KCNN2: variants seen among roughly 807,000 people sequenced by gnomAD.
KCNN2 encodes potassium calcium-activated channel subfamily N member 2, also known as small conductance calcium-activated potassium channel protein 2.
A neutral mutation model predicts 55.5 loss-of-function variants in KCNN2; 24 were observed. The ratio of observed to expected loss-of-function variants is 0.43; its 90% CI spans 0.31 to 0.61. The LOEUF is 0.61. Among genes scored for constraint, KCNN2 ranks in the 20% least tolerant of loss-of-function variants. The probability of loss-of-function intolerance (pLI) is 0.08; values close to 1 mark genes in which losing one functional copy is unlikely to be tolerated. For missense variants in KCNN2, 754 were observed against 853.6 expected (o/e 0.88, Z 1.45); for synonymous variants, 431 against 336.1 (o/e 1.28, Z -3.09).
At chr5:114,200,214 T>G (rs1753645820) in intron 1 of KCNN2, among the ~76,000 whole-genome samples, 1 of 152,164 alleles carries the variant, frequency 6.6e-6, no homozygotes, top group South Asian at 2.1e-4. Context: ...TTTTTTTATT[T>G]TTGTCTTGCT....
intron 1 of KCNN2, among the ~76,000 whole-genome samples, chr5:114,156,028 T>C (rs1752626159): frequency 6.6e-6 from 1 of 152,218 alleles, no homozygotes; most frequent in Admixed American, 6.5e-5. Flanking sequence ...TACATTTAAG[T>C]CTTTAATCTA....
chr5:114,422,236 G>C (rs1759491925), intron 3 of KCNN2, among the ~76,000 whole-genome samples: 1 of 152,180 alleles, frequency 6.6e-6, no homozygotes, highest in Non-Finnish European at 1.5e-5. Context: ...CAAAATTCAT[G>C]TTGAAACCTA....
intron 1 of KCNN2, among the ~76,000 whole-genome samples, chr5:114,211,260 A>G (rs1258114846): frequency 6.6e-6 from 1 of 152,090 alleles, no homozygotes; most frequent in Non-Finnish European, 1.5e-5. Flanking sequence ...CACATGCACA[A>G]GTATGTTCAC....
chr5:114,392,924 C>T (rs926618051), intron 2 of KCNN2, among the ~76,000 whole-genome samples: 2 of 150,548 alleles, frequency 1.3e-5, no homozygotes, highest in African/African-American at 4.9e-5. Flanking sequence ...TGTTTGGGGC[C>T]ATGATCCCAA....
At chr5:114,288,390 T>C (rs188949492) in intron 2 of KCNN2, among the ~76,000 whole-genome samples, 1 of 152,214 alleles carries the variant, frequency 6.6e-6, no homozygotes, top group Non-Finnish European at 1.5e-5. Context: ...TGTGTTAAAC[T>C]TTTTGGGATT....
chr5:114,308,973 C>T (rs1384648519), intron 2 of KCNN2, among the ~76,000 whole-genome samples: 2 of 152,130 alleles, frequency 1.3e-5, no homozygotes, highest in African/African-American at 2.4e-5. Flanking sequence ...GGTTATTGTA[C>T]AGCTTTATTT....
intron 1 of KCNN2, among the ~76,000 whole-genome samples, chr5:114,095,477 T>C (rs147260177): frequency 6.6e-6 from 1 of 152,280 alleles, no homozygotes; most frequent in Non-Finnish European, 1.5e-5. Context: ...TATAACCTCA[T>C]CTCACTGGAT....
intron 1 of KCNN2, among the ~76,000 whole-genome samples, chr5:114,202,049 C>T (rs747182051): frequency 3.9e-5 from 6 of 152,100 alleles, no homozygotes; most frequent in Admixed American, 1.3e-4. Context: ...GTGGCAGGGA[C>T]CATCCGAGGG....
At chr5:114,384,932 G>C (rs1561599485) in intron 2 of KCNN2, among the ~76,000 whole-genome samples, 1 of 152,022 alleles carries the variant, frequency 6.6e-6, no homozygotes, top group Non-Finnish European at 1.5e-5. Context: ...AAGTTATTCA[G>C]TTTCAAAAAT....
chr5:114,225,476 C>T (rs545788855), intron 2 of KCNN2, among the ~76,000 whole-genome samples: 1 of 152,198 alleles, frequency 6.6e-6, no homozygotes, highest in African/African-American at 2.4e-5. Context: ...CAGAGTGAAA[C>T]ACCAATTACA....
chr5:114,272,904 T>C (rs1427340941), intron 2 of KCNN2, among the ~76,000 whole-genome samples: 1 of 152,152 alleles, frequency 6.6e-6, no homozygotes, highest in Non-Finnish European at 1.5e-5. Context: ...ATACTTTAAG[T>C]TCTGTGTTAC....
chr5:114,099,739 A>G (rs923320209), intron 1 of KCNN2, among the ~76,000 whole-genome samples: 9 of 152,138 alleles, frequency 5.9e-5, no homozygotes, highest in Admixed American at 5.2e-4. Flanking sequence ...TTTTCTTCAG[A>G]TATAGTAGCC....
intron 1 of KCNN2, among the ~76,000 whole-genome samples, chr5:114,176,204 C>G (rs1029293821): frequency 1.3e-5 from 2 of 152,144 alleles, no homozygotes; most frequent in Admixed American, 6.5e-5. Context: ...GCCAGTGCAC[C>G]CTTTCCCAAG....
At chr5:114,255,309 T>TA (rs1754961073) in intron 2 of KCNN2, among the ~76,000 whole-genome samples, 1 of 152,170 alleles carries the variant, frequency 6.6e-6, no homozygotes, top group Admixed American at 6.6e-5. Flanking sequence ...AACAAAAACT[T>TA]AGCTGAAGGA....
chr5:114,231,840 A>T (rs559443719), intron 2 of KCNN2, among the ~76,000 whole-genome samples: 1 of 139,796 alleles, frequency 7.2e-6, no homozygotes, highest in Non-Finnish European at 1.6e-5. Flanking sequence ...CTGTCTTCCC[A>T]TAAAATGCCT....
chr5:114,495,363 G>A (rs1748062008), intron 7 of KCNN2, among the ~76,000 whole-genome samples: 1 of 152,076 alleles, frequency 6.6e-6, no homozygotes, highest in South Asian at 2.1e-4. Flanking sequence ...GGAATTTATT[G>A]CTTTAAATTA....
intron 2 of KCNN2, among the ~76,000 whole-genome samples, chr5:114,320,366 C>G (rs1447499807): frequency 6.6e-6 from 1 of 152,082 alleles, no homozygotes; most frequent in Non-Finnish European, 1.5e-5. Flanking sequence ...GTAATCCCAG[C>G]ACTTTGGGAG....
chr5:114,222,541 A>T (rs1412839288), intron 2 of KCNN2, among the ~76,000 whole-genome samples: 1 of 152,234 alleles, frequency 6.6e-6, no homozygotes, highest in Non-Finnish European at 1.5e-5. Flanking sequence ...TGCATTTTTC[A>T]TGTATCTCAG....
At chr5:114,159,513 C>G (rs908723480) in intron 1 of KCNN2, among the ~76,000 whole-genome samples, 2 of 152,098 alleles carry the variant, frequency 1.3e-5, no homozygotes, top group African/African-American at 4.8e-5. Flanking sequence ...TGATGCTGGC[C>G]TCATAAAATG....
Sources: allele counts gnomAD v4.1 joint callset (sites outside exome capture counted in the v4.1 genomes callset), GRCh38; gene constraint gnomAD v4.1.1; transcripts MANE v1.5; gene names NCBI Gene and HGNC (gene_info 2026-07-23, HGNC 2026-07-21).